Variants in PLB1 observed in about 807,000 individuals in gnomAD.
PLB1 encodes the protein phospholipase B1, membrane-associated.
In PLB1, 242 loss-of-function variants were observed where a neutral mutation model predicts 227.4. That is an observed-to-expected ratio of 1.06 (90% confidence interval 0.96 to 1.18). The LOEUF (loss-of-function observed/expected upper bound fraction) is 1.18, where lower values mean the gene tolerates loss of function less well. PLB1 is among the 50% of genes most tolerant of loss of function. PLB1 has a pLI of 0.00. For missense variants in PLB1, 1,858 were observed against 1,816.3 expected (o/e 1.02, Z -0.42); for synonymous variants, 757 against 682.2 (o/e 1.11, Z -1.71).
At chr2:28,581,981 G>A (rs59100925) in intron 23 of PLB1, 87 bp from the exon 24 acceptor site, 17,092 of 1,193,692 alleles carry the variant, frequency 0.014, 231 homozygotes, top group African/African-American at 0.078. Flanking sequence ...AAAAAAAAAA[G>A]AAGGGGACCC....
At chr2:28,553,080 C>A in intron 17 of PLB1, 89 bp downstream of exon 17, 2 of 1,140,866 alleles carry the variant, frequency 1.8e-6, no homozygotes, top group South Asian at 1.3e-5. Flanking sequence ...GAAATACTCC[C>A]GAGTGGTTTC....
At chr2:28,618,721 G>T (rs1029567993) in intron 46 of PLB1, among the ~76,000 whole-genome samples, 40 of 152,094 alleles carry the variant, frequency 2.6e-4, no homozygotes, top group African/African-American at 9.7e-4. Context: ...TTCATCAGGG[G>T]ACTCATCTCC....
chr2:28,592,234 G>A (rs1054695231), intron 31 of PLB1, among the ~76,000 whole-genome samples: 6 of 152,116 alleles, frequency 3.9e-5, no homozygotes, highest in Admixed American at 2.6e-4. Context: ...ACCTTTAAAC[G>A]GGCTGCACGT....
chr2:28,506,275 G>T (rs1667627824), intron 1 of PLB1, among the ~76,000 whole-genome samples: 1 of 152,190 alleles, frequency 6.6e-6, no homozygotes, highest in South Asian at 2.1e-4. Flanking sequence ...AGGATTCAGA[G>T]AGCTGAGAGA....
chr2:28,636,541 G>C (rs1425309412), intron 56 of PLB1, among the ~76,000 whole-genome samples: 1 of 152,120 alleles, frequency 6.6e-6, no homozygotes, highest in Non-Finnish European at 1.5e-5. Context: ...ATTCACAGCA[G>C]CACTATTTAT....
At chr2:28,522,014 G>A (rs114151913) in intron 4 of PLB1, among the ~76,000 whole-genome samples, 325 of 152,010 alleles carry the variant, frequency 2.1e-3, no homozygotes, top group Middle Eastern at 0.01. Context: ...CATGCACAGT[G>A]CCAGTCCACT....
At chr2:28,617,305 G>A (rs998324963) in intron 44 of PLB1, among the ~76,000 whole-genome samples, 1 of 152,012 alleles carries the variant, frequency 6.6e-6, no homozygotes, top group Non-Finnish European at 1.5e-5. Context: ...ATTATAATTA[G>A]TGTCAGTTAG....
At chr2:28,618,166 T>C (rs1386133699) in intron 45 of PLB1, among the ~76,000 whole-genome samples, 175 bp from the exon 46 acceptor site, 2 of 152,230 alleles carry the variant, frequency 1.3e-5, no homozygotes, top group Non-Finnish European at 2.9e-5. Context: ...ACCCATTCCC[T>C]GCAGTGCCTT....
chr2:28,564,846 A>G (rs1676619010), intron 18 of PLB1, among the ~76,000 whole-genome samples: 1 of 125,648 alleles, frequency 8.0e-6, no homozygotes, highest in Non-Finnish European at 1.7e-5. Context: ...GTGGGATTTC[A>G]TTTTATTACT....
At chr2:28,568,633 C>G (rs1298939883) in intron 20 of PLB1, among the ~76,000 whole-genome samples, 1 of 152,208 alleles carries the variant, frequency 6.6e-6, no homozygotes, top group Non-Finnish European at 1.5e-5. Flanking sequence ...AATAGGAGAA[C>G]AGTGCTCCGA....
chr2:28,621,708 A>T (rs908606975), intron 49 of PLB1, among the ~76,000 whole-genome samples: 18 of 152,168 alleles, frequency 1.2e-4, no homozygotes, highest in African/African-American at 4.3e-4. Context: ...TTCCTTTCAG[A>T]AGTGGTAACG....
chr2:28,532,288 G>A, intron 9 of PLB1, 94 bp downstream of exon 9: 1 of 977,298 alleles, frequency 1.0e-6, no homozygotes, highest in Non-Finnish European at 1.6e-6. Context: ...CCAGCTGTCA[G>A]GATGGGGCTA....
intron 22 of PLB1, among the ~76,000 whole-genome samples, chr2:28,579,140 C>A (rs1679491742): frequency 6.6e-6 from 1 of 152,222 alleles, no homozygotes; most frequent in Admixed American, 6.5e-5. Flanking sequence ...TTGACTAGTT[C>A]ATGGGCAGAA....
chr2:28,597,973 C>T (rs778997583), intron 33 of PLB1, 32 bp from the exon 34 acceptor site: 2 of 1,599,750 alleles, frequency 1.3e-6, no homozygotes, highest in Non-Finnish European at 1.7e-6. Context: ...ATGTCTCTCC[C>T]TCTCATTCAC....
At chr2:28,512,733 G>A (rs992519855) in intron 1 of PLB1, among the ~76,000 whole-genome samples, 3 of 149,946 alleles carry the variant, frequency 2.0e-5, no homozygotes, top group Non-Finnish European at 4.4e-5. Flanking sequence ...TCACCCTTGA[G>A]TCTGCATGGT....
intron 20 of PLB1, among the ~76,000 whole-genome samples, chr2:28,568,030 T>G (rs752006301): frequency 2.0e-5 from 3 of 152,178 alleles, no homozygotes; most frequent in Non-Finnish European, 2.9e-5. Flanking sequence ...GAGGGGGACA[T>G]CATAGCTTAA....
chr2:28,546,467 C>T (rs965692547), intron 14 of PLB1, among the ~76,000 whole-genome samples: 3 of 152,178 alleles, frequency 2.0e-5, no homozygotes, highest in African/African-American at 7.2e-5. Flanking sequence ...CAGTTCATTC[C>T]TCGGTGGCAG....
chr2:28,614,136 C>G, intron 44 of PLB1, 40 bp downstream of exon 44: 1 of 1,548,396 alleles, frequency 6.5e-7, no homozygotes, highest in South Asian at 1.1e-5. Context: ...AGACACAAAC[C>G]ATTTCCACCT....
intron 39 of PLB1, among the ~76,000 whole-genome samples, chr2:28,603,649 A>G (rs1238968876): frequency 1.3e-5 from 2 of 152,222 alleles, no homozygotes; most frequent in African/African-American, 4.8e-5. Context: ...ATTAAACACT[A>G]AATTTTCACT....
Sources: gnomAD v4.1 joint callset for allele counts (sites outside exome capture counted in the v4.1 genomes callset) on GRCh38, gnomAD v4.1.1 for gene constraint, MANE v1.5 for transcripts, NCBI Gene and HGNC (gene_info 2026-07-23, HGNC 2026-07-21) for gene names.